Variants in FMN2 observed in about 807,000 individuals in gnomAD.
The protein encoded by FMN2 is formin 2.
In FMN2, 51 loss-of-function variants were observed where a neutral mutation model predicts 142.3. The observed-to-expected ratio is 0.36, with a 90% confidence interval of 0.29 to 0.45. FMN2 has a LOEUF of 0.45. FMN2 is among the 20% of genes least tolerant of loss of function. The pLI is 1.00. For synonymous variants in FMN2, 882 were observed against 869.8 expected (o/e 1.01, Z -0.25); for missense variants, 1,936 against 2,122.8 (o/e 0.91, Z 1.73).
intron 2 of FMN2, among the ~76,000 whole-genome samples, chr1:240,141,685 C>G (rs1284245522): frequency 1.3e-5 from 2 of 152,116 alleles, no homozygotes; most frequent in African/African-American, 2.4e-5. Context: ...CTTTAAACAT[C>G]ATGGTGAAAT....
At chr1:240,124,165 GT>G (rs1290635601) in intron 2 of FMN2, among the ~76,000 whole-genome samples, 2 of 152,152 alleles carry the variant, frequency 1.3e-5, no homozygotes, top group African/African-American at 4.8e-5. Context: ...TGAACATGAG[GT>G]ACAAATACCT....
At chr1:240,444,634 T>G (rs1033287694) in intron 16 of FMN2, among the ~76,000 whole-genome samples, 12 of 152,236 alleles carry the variant, frequency 7.9e-5, no homozygotes, top group Non-Finnish European at 1.5e-4. Flanking sequence ...CAGTCACGTC[T>G]TGTTTCAGCC....
chr1:240,143,289 AAC>A (rs1663274531), intron 2 of FMN2: 1 of 1,538,454 alleles, frequency 6.5e-7, no homozygotes, highest in Non-Finnish European at 9.0e-7. Flanking sequence ...GTTGATTTGA[AAC>A]AGAGATGAGG....
In FMN2 at chr1:240,092,910, G is replaced by C; in HGVS notation, c.801G>C (p.Pro267=). Residue 267 remains proline, a synonymous_variant, in exon 1 of 18, where the codon CCG becomes CCC. Coordinates refer to ENST00000319653, the MANE Select transcript of FMN2 (RefSeq NM_020066.5). ...SGGAGEAPGS[P]DTEQALSALS... is the part of the protein sequence containing the mutation. ...GGGCTGGGGAGGCCCCGGGCAGTCC[G>C]GACACCGAGCAGGCGCTGTCCGCGC... 6.7e-7 allele frequency: 1 copy of C among 1,492,692 alleles called. No individual in the cohort carries two copies. Among genetic ancestry groups the C allele is most frequent in the Non-Finnish European group, 8.9e-7 (1 of 1,129,266 alleles). The allele number at this position is 1,492,692 out of a possible 1,614,324, so 92.5% of individuals were successfully genotyped here.
chr1:240,144,321 G>T, intron 2 of FMN2: 1 of 1,607,020 alleles, frequency 6.2e-7, no homozygotes, highest in Non-Finnish European at 8.5e-7. Context: ...TTGTTCTCTA[G>T]GTGGGTTTTG....
At chr1:240,421,161 C>T (rs531371645) in intron 15 of FMN2, among the ~76,000 whole-genome samples, 9 of 152,228 alleles carry the variant, frequency 5.9e-5, no homozygotes, top group Admixed American at 1.3e-4. Flanking sequence ...CCTAGACCTC[C>T]GTGCAAATGA....
intron 8 of FMN2, among the ~76,000 whole-genome samples, chr1:240,320,297 T>C (rs940835101): frequency 5.9e-5 from 9 of 152,062 alleles, no homozygotes; most frequent in Non-Finnish European, 1.0e-4. Flanking sequence ...TAGTTGAAAG[T>C]TTGGAACCTG....
At chr1:240,212,763 G>A (rs192783787) in intron 6 of FMN2, among the ~76,000 whole-genome samples, 40 of 152,306 alleles carry the variant, frequency 2.6e-4, no homozygotes, top group African/African-American at 9.6e-4. Context: ...TGTCAGAGAT[G>A]TAAAATCTGT....
chr1:240,098,114 TTTTTG>T lies in FMN2; in HGVS notation c.1615+4391_1615+4395del, dbSNP rs545081182. Among the ~76,000 whole-genome samples, 398 of 148,990 alleles carry T rather than the reference TTTTTG, an allele frequency of 2.7e-3. 2 individuals are homozygous for T. In the South Asian group the frequency reaches 0.03, roughly 11 times the overall value. On this transcript the variant is annotated intron_variant, in intron 1 of 17. Coordinates refer to ENST00000319653, the MANE Select transcript of FMN2 (RefSeq NM_020066.5). Reference sequence around the variant, plus strand: ...TATCTTGAATTTTTTTTTTTTTTTTTTTTTGGAGACAGATTTCACTCTTGTCGCCA... The same window carrying T: ...TATCTTGAATTTTTTTTTTTTTTTTTGAGACAGATTTCACTCTTGTCGCCA...
At chr1:240,145,236 C>G in intron 2 of FMN2, 1 of 1,472,474 alleles carries the variant, frequency 6.8e-7, no homozygotes, top group South Asian at 1.2e-5. Flanking sequence ...TTATCTTCCT[C>G]AGACAGCTCC....
chr1:240,248,482 A>T (rs1228559513), intron 6 of FMN2, among the ~76,000 whole-genome samples: 1 of 148,562 alleles, frequency 6.7e-6, no homozygotes, highest in African/African-American at 2.5e-5. Context: ...TATATATTTA[A>T]AAATATTTTT....
At chr1:240,217,823 A>T (rs1476835411) in intron 6 of FMN2, among the ~76,000 whole-genome samples, 1 of 152,092 alleles carries the variant, frequency 6.6e-6, no homozygotes, top group African/African-American at 2.4e-5. Flanking sequence ...AAAAACACGA[A>T]TACACCAGCA....
chr1:240,307,609 TA>T (rs1670454985), intron 8 of FMN2, among the ~76,000 whole-genome samples: 1 of 152,208 alleles, frequency 6.6e-6, no homozygotes, highest in South Asian at 2.1e-4. Flanking sequence ...TCTGTATGTC[TA>T]TTTTTGTACC....
intron 16 of FMN2, among the ~76,000 whole-genome samples, chr1:240,467,898 A>G (rs1676673063): frequency 6.6e-6 from 1 of 152,218 alleles, no homozygotes; most frequent in South Asian, 2.1e-4. Flanking sequence ...TCTTCCATCT[A>G]AAAGATAATG....
At position 240,437,532 on chromosome 1, in the gene FMN2, G is replaced by A. The variant is rs369659508; in HGVS notation, c.4911-529G>A. On this transcript the variant is annotated intron_variant, in intron 15 of 17. Coordinates refer to ENST00000319653, the MANE Select transcript of FMN2 (RefSeq NM_020066.5). ...TTAGCCAGGATGGTCTCGATCTCCT[G>A]ACCTCGTGATCCACCCACCTTGGCC... Among the ~76,000 whole-genome samples, 14 of 152,044 alleles carry A rather than the reference G, an allele frequency of 9.2e-5. No individual in the cohort carries two copies. In the East Asian group the frequency reaches 1.4e-3, roughly 15 times the overall value.
At chr1:240,358,910 G>A (rs144827189) in intron 14 of FMN2, among the ~76,000 whole-genome samples, 44 of 152,222 alleles carry the variant, frequency 2.9e-4, no homozygotes, top group African/African-American at 8.4e-4. Flanking sequence ...GCTGAGGTGC[G>A]CAGGTCACAT....
intron 2 of FMN2, among the ~76,000 whole-genome samples, chr1:240,130,459 C>T (rs1434272205): frequency 3.3e-5 from 5 of 152,134 alleles, no homozygotes; most frequent in East Asian, 1.9e-4. Flanking sequence ...GATGCTACCA[C>T]GCCCGGCTAA....
chr1:240,376,414 CT>C (rs956652175), intron 14 of FMN2, among the ~76,000 whole-genome samples: 41 of 151,570 alleles, frequency 2.7e-4, no homozygotes, highest in African/African-American at 9.4e-4. Flanking sequence ...TTTTCTTTCC[CT>C]TTTTTCTTAT....
At chr1:240,175,780 A>T (rs1385273978) in intron 2 of FMN2, among the ~76,000 whole-genome samples, 2 of 151,750 alleles carry the variant, frequency 1.3e-5, no homozygotes, top group African/African-American at 4.8e-5. Context: ...TGTGGTTTTG[A>T]TTTGCGTTTC....
Sources: gnomAD v4.1 joint callset for allele counts (sites outside exome capture counted in the v4.1 genomes callset) on GRCh38, gnomAD v4.1.1 for gene constraint, MANE v1.5 for transcripts, NCBI Gene and HGNC (gene_info 2026-07-23, HGNC 2026-07-21) for gene names.